The following SULT1A2 variants were observed in gnomAD, a reference collection of about 807,000 sequenced individuals.
SULT1A2 encodes the protein sulfotransferase 1A2.
SULT1A2 carries 33 observed loss-of-function variants against 36.0 expected under a neutral mutation model. That is an observed-to-expected ratio of 0.92 (90% CI 0.69 to 1.22). The LOEUF is 1.22. Ranked by LOEUF, SULT1A2 falls within the 50% of genes most tolerant of loss-of-function variation. The pLI is 0.00. For missense variants in SULT1A2, 367 were observed against 383.2 expected, an observed-to-expected ratio of 0.96 and a Z score of 0.35; for synonymous variants, 138 against 144.5, an observed-to-expected ratio of 0.96 and a Z score of 0.32.
chr16:28,595,775 T>C lies in SULT1A2; in HGVS notation c.148+8A>G. 6.2e-7 allele frequency: 1 copy of C among 1,612,678 alleles called. No homozygotes were observed. The highest frequency in any genetic ancestry group is 1.7e-4 in the Middle Eastern group (1 of 5,802). ...CCTGGGAGAGGGTGGGTGGCCCTCC[T>C]CACCTACCGGACTTGGGGTAGGTGC... On this transcript the variant is annotated splice_region_variant and intron_variant, in intron 2 of 7. Transcript: ENST00000335715.
chr16:28,593,136 A>G, intron 6 of SULT1A2, 116 bp downstream of exon 6: 1 of 1,460,638 alleles, frequency 6.8e-7, no homozygotes, highest in Non-Finnish European at 9.3e-7. Flanking sequence ...CAAGATGGGG[A>G]ATCCGGGCCT....
chr16:28,592,337 T>G lies in SULT1A2; in HGVS notation c.701A>C (p.Lys234Thr), dbSNP rs754018590. The G allele has an allele frequency of 2.3e-5, 37 of 1,613,822 alleles. No homozygotes were observed. Among genetic ancestry groups the G allele is most frequent in the African/African-American group, 1.9e-4 (14 of 74,908 alleles). The change falls in exon 7 of 8, where the codon AAG becomes ACG. Residue 234 changes from lysine (K) to threonine (T), a missense_variant. Transcript: ENST00000335715. ...GGTGGTGTAGTTGGTCATAGGGTTCTTCTTCATCTCCTTGAACGACGTGTG... is the reference window on the plus strand; with the variant it reads ...GGTGGTGTAGTTGGTCATAGGGTTCGTCTTCATCTCCTTGAACGACGTGTG... ...VEHTSFKEMK[K>T]NPMTNYTTVR...
intron 4 of SULT1A2, 139 bp downstream of exon 4, chr16:28,595,228 A>T: frequency 9.0e-7 from 1 of 1,106,532 alleles, no homozygotes; most frequent in Non-Finnish European, 1.3e-6. Context: ...AGCTGGTATT[A>T]CAGGCACACA....
rs770776557 is a variant in SULT1A2, at chr16:28,595,459, C to T, written c.280G>A (p.Glu94Lys). 1.9e-6 allele frequency: 3 copies of T among 1,614,092 alleles called. No homozygotes were observed. In the Admixed American group the frequency reaches 5.0e-5, roughly 27 times the overall value. Residue 94 changes from glutamate (E) to lysine (K), a missense_variant, in exon 4 of 8, where the codon GAG (glutamate) becomes AAG (lysine). Coordinates refer to ENST00000335715, the MANE Select transcript of SULT1A2 (RefSeq NM_001054.4). ...FKVPGIPSGM[E>K]TLKNTPAPRL... ...GGGGCTGGTGTGTTTTTCAGAGTCT[C>T]CATCCCTGAGCAGTGGGTCAGGGAA...
At chr16:28,595,164 C>T (rs1271965052) in intron 4 of SULT1A2, among the ~76,000 whole-genome samples, 1 of 152,120 alleles carries the variant, frequency 6.6e-6, no homozygotes. Flanking sequence ...TCATAGCTCA[C>T]TGTAGCCTTA....
intron 1 of SULT1A2, 161 bp from the exon 2 acceptor site, chr16:28,596,095 G>A: frequency 6.7e-7 from 1 of 1,497,552 alleles, no homozygotes; most frequent in Non-Finnish European, 8.9e-7. Context: ...TGAAAACCAG[G>A]TCGGGCTCTA....
chr16:28,592,657 A>AG (rs2047008055), intron 6 of SULT1A2, among the ~76,000 whole-genome samples: 1 of 152,136 alleles, frequency 6.6e-6, no homozygotes, highest in African/African-American at 2.4e-5. Context: ...TCCTATGGGT[A>AG]AGGACTGGGA....
chr16:28,596,962 G>A, intron 1 of SULT1A2, 35 bp downstream of exon 1: 1 of 1,227,592 alleles, frequency 8.1e-7, no homozygotes, highest in South Asian at 1.4e-5. Context: ...TGAGCAGGGT[G>A]AGGGCGTCCT....
intron 4 of SULT1A2, among the ~76,000 whole-genome samples, chr16:28,595,143 C>T (rs1420148722): frequency 6.6e-6 from 1 of 152,102 alleles, no homozygotes; most frequent in African/African-American, 2.4e-5. Context: ...GCCTGGAGTG[C>T]ACTGGTGTGA....
intron 6 of SULT1A2, 78 bp from the exon 7 acceptor site, chr16:28,592,521 C>T: frequency 1.2e-6 from 2 of 1,603,874 alleles, no homozygotes; most frequent in Non-Finnish European, 1.7e-6. Flanking sequence ...TCTCTAACCT[C>T]AGAGGGGAAC....
At chr16:28,596,910 G>T in intron 1 of SULT1A2, 87 bp downstream of exon 1, 1 of 954,212 alleles carries the variant, frequency 1.0e-6, no homozygotes, top group Non-Finnish European at 1.4e-6. Flanking sequence ...AGAGGGCAGG[G>T]ATAGCAGAGG....
At chr16:28,593,047 G>A (rs1302423670) in intron 6 of SULT1A2, among the ~76,000 whole-genome samples, 1 of 152,206 alleles carries the variant, frequency 6.6e-6, no homozygotes, top group East Asian at 1.9e-4. Context: ...CACCCGTGCA[G>A]CTGACTCAGG....
At chr16:28,592,887 C>T (rs1212280466) in intron 6 of SULT1A2, among the ~76,000 whole-genome samples, 1 of 152,124 alleles carries the variant, frequency 6.6e-6, no homozygotes, top group Non-Finnish European at 1.5e-5. Flanking sequence ...TAGTGTGCAT[C>T]TGTAATCTCA....
intron 4 of SULT1A2, among the ~76,000 whole-genome samples, chr16:28,594,216 C>A (rs1260882169): frequency 1.3e-5 from 2 of 151,538 alleles, no homozygotes; most frequent in Admixed American, 1.3e-4. Flanking sequence ...GAATAGCTCA[C>A]TGCAACGTTG....
intron 1 of SULT1A2, chr16:28,596,691 A>G: frequency 4.8e-6 from 1 of 208,408 alleles, no homozygotes; most frequent in Non-Finnish European, 9.8e-6. Flanking sequence ...TATTTTTTAA[A>G]ACTATCCAGG....
At position 28,595,377 on chromosome 16, in the gene SULT1A2, T is replaced by G. The variant is rs1440436230; in HGVS notation, c.362A>C (p.Gln121Pro). 1 of 1,614,102 alleles carries G rather than the reference T, an allele frequency of 6.2e-7. No homozygotes were observed. Residue 121 changes from glutamine (Q) to proline (P), a missense_variant, in exon 4 of 8, where the codon CAG becomes CCG. Transcript: ENST00000335715. ...LALLPQTLLD[Q>P]KVKVVYVARN... ...TGTGCCCAGTCTCACCTTGACCTTC[T>G]GATCCAACAGAGTCTGGGGGAGCAG...
intron 4 of SULT1A2, among the ~76,000 whole-genome samples, chr16:28,595,165 T>C (rs1226060813): frequency 1.3e-5 from 2 of 152,106 alleles, no homozygotes; most frequent in Non-Finnish European, 2.9e-5. Context: ...CATAGCTCAC[T>C]GTAGCCTTAA....
intron 1 of SULT1A2, chr16:28,596,428 C>G: frequency 1.1e-6 from 1 of 922,958 alleles, no homozygotes; most frequent in Non-Finnish European, 1.4e-6. Flanking sequence ...CTAGGCTGGC[C>G]AGGCCTGTGA....
At chr16:28,595,295 T>C in intron 4 of SULT1A2, 72 bp downstream of exon 4, 1 of 1,586,952 alleles carries the variant, frequency 6.3e-7, no homozygotes, top group Non-Finnish European at 8.6e-7. Context: ...ACTTCTGGCT[T>C]CAAGGGATCT....
Sources: allele counts gnomAD v4.1 joint callset (sites outside exome capture counted in the v4.1 genomes callset), GRCh38; gene constraint gnomAD v4.1.1; transcripts MANE v1.5; gene names NCBI Gene and HGNC (gene_info 2026-07-23, HGNC 2026-07-21).